The following RTN2 variants were observed in gnomAD, a reference collection of about 807,000 sequenced individuals.
RTN2 encodes the protein reticulon 2.
A neutral mutation model predicts 63.7 loss-of-function variants in RTN2; 36 were observed. That is an observed-to-expected ratio of 0.56 (90% confidence interval 0.43 to 0.75). RTN2 has a LOEUF of 0.75. Ranked by LOEUF, RTN2 falls within the 30% of genes least tolerant of loss-of-function variation. RTN2 has a pLI of 0.00. For synonymous variants in RTN2, 312 were observed against 313.0 expected (o/e 1.00, Z 0.03); for missense variants, 673 against 705.1 (o/e 0.95, Z 0.52).
chr19:45,488,429 A>G (rs774655736), intron 9 of RTN2, 42 bp downstream of exon 9: 3 of 1,601,572 alleles, frequency 1.9e-6, no homozygotes, highest in Non-Finnish European at 2.6e-6. Flanking sequence ...TCAGACCCCC[A>G]TGTTTAGCTG....
chr19:45,495,076 C>G lies in RTN2; in HGVS notation c.79+19G>C. ...AGCTGCCCAGCCCTGAGCCCCTTCA[C>G]ATGCTCCCCACCACTTACCTTCTGT... On this transcript the variant is annotated intron_variant, in intron 2 of 10. Transcript: ENST00000245923. 1.9e-6 allele frequency: 3 copies of G among 1,614,220 alleles called. No individual in the cohort carries two copies. The highest frequency in any genetic ancestry group is 1.7e-6 in the Non-Finnish European group (2 of 1,180,042).
chr19:45,495,177 A>T (rs1056835243), intron 1 of RTN2, 38 bp from the exon 2 acceptor site: 1 of 1,610,994 alleles, frequency 6.2e-7, no homozygotes, highest in Non-Finnish European at 8.5e-7. Context: ...TTAGAAGCTT[A>T]GACTGTCCGA....
At position 45,489,448 on chromosome 19, in the gene RTN2, G is replaced by A; in HGVS notation, c.1139C>T (p.Ala380Val). 1 of 1,612,190 alleles carries A rather than the reference G, an allele frequency of 6.2e-7. No homozygotes were observed. Among genetic ancestry groups the A allele is most frequent in the Non-Finnish European group, 8.5e-7 (1 of 1,179,258 alleles). ...CLLHFSIVSV[A>V]AHLALLLLCG... The stretch of plus-strand genomic sequence containing the variant: ...GAGCAGCAACAGAGCCAAGTGCGCG[G>A]CCACGGACACGATGCTAAAGTGCAG... The change falls in exon 6 of 11, where the codon GCC becomes GTC. Residue 380 changes from alanine (A) to valine (V), a missense_variant. Transcript: ENST00000245923.
chr19:45,487,998 A>G (rs1406073907), intron 9 of RTN2, among the ~76,000 whole-genome samples: 1 of 150,178 alleles, frequency 6.7e-6, no homozygotes, highest in African/African-American at 2.5e-5. Context: ...CACGCCTGTA[A>G]TCCCAGCACT....
At chr19:45,496,759 G>T in intron 1 of RTN2, 33 bp downstream of exon 1, 1 of 1,457,160 alleles carries the variant, frequency 6.9e-7, no homozygotes, top group Non-Finnish European at 9.2e-7. Flanking sequence ...AACCTCTGGG[G>T]CCCACACCAG....
At position 45,493,349 on chromosome 19, in the gene RTN2, A is replaced by G. The variant is rs752147277; in HGVS notation, c.844T>C (p.Leu282=). The G allele has an allele frequency of 1.2e-6, 2 of 1,610,020 alleles. No homozygotes were observed. Among genetic ancestry groups the G allele is most frequent in the Non-Finnish European group, 1.7e-6 (2 of 1,179,036 alleles). The change falls in exon 5 of 11, where the codon TTG becomes CTG. Residue 282 remains leucine (L), a synonymous_variant. Coordinates refer to ENST00000245923, the MANE Select transcript of RTN2 (RefSeq NM_005619.5). ...ACCGTCTTGTAAACAGCCAAAAGCA[A>G]TGATGTCTTTAACCATTCCATAGCT... ...GTAMEWLKTS[L]LLAVYKTVPI...
intron 9 of RTN2, among the ~76,000 whole-genome samples, chr19:45,487,264 T>C (rs1250820090): frequency 6.6e-6 from 1 of 151,914 alleles, no homozygotes; most frequent in Non-Finnish European, 1.5e-5. Flanking sequence ...AGGCTGGTCT[T>C]GAACTTCTGG....
At position 45,496,854 on chromosome 19, in the gene RTN2, C is replaced by T. The variant is rs1164795996; in HGVS notation, c.-29G>A. On this transcript the variant is annotated 5_prime_UTR_variant, in exon 1 of 11. Transcript: ENST00000245923. The stretch of plus-strand genomic sequence containing the variant: ...CCCCCTCGGGCCTGCATCGGGACCC[C>T]CGCCCACTCCGGCTGTGCCGCCCTG... 1.4e-6 allele frequency: 2 copies of T among 1,429,934 alleles called. No homozygotes were observed. Among genetic ancestry groups the T allele is most frequent in the Non-Finnish European group, 1.9e-6 (2 of 1,074,026 alleles). 88.6% of individuals were successfully genotyped at this position (1,429,934 alleles called of 1,614,324 possible).
In RTN2 at chr19:45,490,535, C is replaced by CTGTGTGTG. The variant is rs56279132; in HGVS notation, c.1034-990_1034-983dup. Among the ~76,000 whole-genome samples, 1,457 of 145,842 alleles carry CTGTGTGTG rather than the reference C, an allele frequency of 1.0e-2. 19 individuals carry two copies. The highest frequency in any genetic ancestry group is 0.032 in the Admixed American group (462 of 14,542). On this transcript the variant is annotated intron_variant, in intron 5 of 10. Transcript: ENST00000245923. ...ATTGCTGGGTGGACTGGTTGTGTGT[C>CTGTGTGTG]TGTGTGTGTGTGTGTGTGTGTGTGT...
chr19:45,485,573 G>A lies in RTN2; in HGVS notation c.*135C>T. 1.4e-6 allele frequency: 1 copy of A among 703,536 alleles called. No homozygotes were observed. The highest frequency in any genetic ancestry group is 2.5e-5 in the East Asian group (1 of 39,578). 43.6% of individuals were successfully genotyped at this position (703,536 alleles called of 1,614,324 possible). On this transcript the variant is annotated 3_prime_UTR_variant, in exon 11 of 11. Transcript: ENST00000245923. ...TCAGGTAATTAGCGCAGAGTCCCTA[G>A]TGGGAGTGATCCTGACACCCACCGG...
rs4031036 is a variant in RTN2, at chr19:45,487,583, G to GTTT, written c.1497+885_1497+887dup. 4.5e-3 allele frequency among the ~76,000 whole-genome samples: 472 copies of GTTT among 105,768 alleles called. 13 individuals carry two copies. Among genetic ancestry groups the GTTT allele is most frequent in the South Asian group, 8.1e-3 (25 of 3,086 alleles). 69.4% of individuals were successfully genotyped at this position (105,768 alleles called of 152,430 possible). A position where few individuals can be genotyped will look rare whatever the true frequency, so the allele number is the denominator to read the frequency against. Reference sequence around the variant, plus strand: ...TTATGTTTTTATTTTTTATTTTTTGGTTTTTTTTTTTTTTTTTTTTGAGAC... The same window carrying GTTT: ...TTATGTTTTTATTTTTTATTTTTTGGTTTTTTTTTTTTTTTTTTTTTTTGAGAC... On this transcript the variant is annotated intron_variant, in intron 9 of 10. Transcript: ENST00000245923.
intron 5 of RTN2, among the ~76,000 whole-genome samples, chr19:45,489,761 C>T (rs535232604): frequency 6.6e-6 from 1 of 151,218 alleles, no homozygotes; most frequent in East Asian, 2.0e-4. Flanking sequence ...TCACTGCAGC[C>T]TCGATCTCCT....
At chr19:45,490,527 T>TTGTGTG (rs1374705450) in intron 5 of RTN2, among the ~76,000 whole-genome samples, 4 of 114,614 alleles carry the variant, frequency 3.5e-5, no homozygotes, top group Non-Finnish European at 1.9e-5. Context: ...GGTGGACTGG[T>TTGTGTG]TGTGTGTCTG....
At chr19:45,487,583 GTTT>G (rs4031036) in intron 9 of RTN2, among the ~76,000 whole-genome samples, 78 of 105,760 alleles carry the variant, frequency 7.4e-4, no homozygotes, top group Non-Finnish European at 9.3e-4. Context: ...TTATTTTTTG[GTTT>G]TTTTTTTTTT....
rs1451661325 is a variant in RTN2 at position 45,485,579 on chromosome 19, G to A, written c.*129C>T. On this transcript the variant is annotated 3_prime_UTR_variant, in exon 11 of 11. Transcript: ENST00000245923. Reference sequence around the variant, plus strand: ...AATTAGCGCAGAGTCCCTAGTGGGAGTGATCCTGACACCCACCGGGAAAAG... The same window carrying A: ...AATTAGCGCAGAGTCCCTAGTGGGAATGATCCTGACACCCACCGGGAAAAG... The A allele has an allele frequency of 5.5e-6, 4 of 727,612 alleles. No individual in the cohort carries two copies. Among genetic ancestry groups the A allele is most frequent in the Middle Eastern group, 7.8e-4 (2 of 2,580 alleles). 45.1% of individuals were successfully genotyped at this position (727,612 alleles called of 1,614,324 possible). A position where few individuals can be genotyped will look rare whatever the true frequency, so the allele number is the denominator to read the frequency against.
rs1052317599 is a variant in RTN2 at position 45,485,427 on chromosome 19, G to C, written c.*281C>G. On this transcript the variant is annotated 3_prime_UTR_variant, in exon 11 of 11. Coordinates refer to ENST00000245923, the MANE Select transcript of RTN2 (RefSeq NM_005619.5). ...TCACGGCGCCTCCAGCGGCGGGTCC[G>C]GAAGTGCAGGGTGGTGCCCTGTCTA... The C allele has an allele frequency of 1.4e-5, 6 of 442,104 alleles. No individual in the cohort carries two copies. The highest frequency in any genetic ancestry group is 2.5e-5 in the Non-Finnish European group (6 of 243,446). The allele number at this position is 442,104 out of a possible 1,614,324, so 27.4% of individuals were successfully genotyped here.
In RTN2 at chr19:45,493,195, G is replaced by A. The variant is rs1968198517; in HGVS notation, c.998C>T (p.Pro333Leu). Residue 333 changes from proline to leucine, a missense_variant, in exon 5 of 11, where the codon CCC becomes CTC. By Grantham distance (98) the Pro-to-Leu change is moderately conservative. Transcript: ENST00000245923. ...CATATCGGCTCCGAGTGAGAGGCTG[G>A]GGACACCGCTGCTTCTCGGGGATTT... ...WAKSPRSSGV[P>L]SLSLGADMGS... is the part of the protein sequence containing the mutation. The A allele has an allele frequency of 1.2e-6, 2 of 1,613,082 alleles. No homozygotes were observed. The highest frequency in any genetic ancestry group is 1.7e-6 in the Non-Finnish European group (2 of 1,179,984).
chr19:45,494,590 G>A lies in RTN2; in HGVS notation c.495C>T (p.Ser165=). The A allele has an allele frequency of 6.2e-7, 1 of 1,614,076 alleles. No individual in the cohort carries two copies. Among genetic ancestry groups the A allele is most frequent in the Admixed American group, 1.7e-5 (1 of 60,028 alleles). ...GSGEDSSTSS[S]TPLEDEEPQE... is the part of the protein sequence containing the mutation. ...GGGGTTCTTCGTCTTCCAGCGGGGT[G>A]GAGCTGCTGGTGGAAGAGTCCTCCC... The change falls in exon 3 of 11, where the codon TCC becomes TCT. Residue 165 remains serine (S), a synonymous_variant. Transcript: ENST00000245923. The surrounding 1 kb of genome is among the most constrained non-coding windows in gnomAD (Gnocchi z 5.3).
chr19:45,485,619 G>A lies in RTN2; in HGVS notation c.*89C>T. 1 of 1,055,970 alleles carries A rather than the reference G, an allele frequency of 9.5e-7. No individual in the cohort carries two copies. 65.4% of individuals were successfully genotyped at this position (1,055,970 alleles called of 1,614,324 possible). ...ACCGGGAAAAGGCTCGGGCCGAGGA[G>A]GGGGGTGGGTGGGAACGGACAAGAG... On this transcript the variant is annotated 3_prime_UTR_variant, in exon 11 of 11. Transcript: ENST00000245923.
Sources: allele counts gnomAD v4.1 joint callset (sites outside exome capture counted in the v4.1 genomes callset), GRCh38; gene constraint gnomAD v4.1.1; non-coding constraint Gnocchi (gnomAD v3.1); transcripts MANE v1.5; gene names NCBI Gene and HGNC (gene_info 2026-07-23, HGNC 2026-07-21).